The following SPRY4 variants were observed in gnomAD, a reference collection of about 807,000 sequenced individuals.
SPRY4 encodes sprouty RTK signaling antagonist 4, also known as protein sprouty homolog 4.
SPRY4 carries 7 observed loss-of-function variants against 17.0 expected under a neutral mutation model. The ratio of observed to expected loss-of-function variants is 0.41; its 90% CI spans 0.23 to 0.77. The LOEUF (loss-of-function observed/expected upper bound fraction) is 0.77. Among genes scored for constraint, SPRY4 ranks in the 30% least tolerant of loss-of-function variants. The pLI, the probability that SPRY4 is intolerant of heterozygous loss-of-function variation, is 0.32. For missense variants in SPRY4, 435 were observed against 419.9 expected (o/e 1.04, Z -0.31); for synonymous variants, 183 against 174.1 (o/e 1.05, Z -0.40).
In SPRY4 at chr5:142,317,730, A is replaced by C. The variant is rs1432063397; in HGVS notation, c.-47-2575T>G. 3.0e-6 allele frequency: 3 copies of C among 985,198 alleles called. No homozygotes were observed. The East Asian group carries it at 3.4e-4, about 112-fold the overall frequency. 61.0% of individuals were successfully genotyped at this position (985,198 alleles called of 1,614,324 possible). ...AATTTTAATAGGCCTTGGAATCAGAAAGCAGATTCCCCAATTCATGGAAAA... is the reference window on the plus strand; with the variant it reads ...AATTTTAATAGGCCTTGGAATCAGACAGCAGATTCCCCAATTCATGGAAAA... On this transcript the variant is annotated intron_variant, in intron 1 of 1. Transcript: ENST00000434127.
intron 1 of SPRY4, among the ~76,000 whole-genome samples, chr5:142,322,080 T>C (rs1281099683): frequency 6.6e-6 from 1 of 152,218 alleles, no homozygotes; most frequent in Non-Finnish European, 1.5e-5. Flanking sequence ...GCCAAACCTC[T>C]GGTTTACCAA....
chr5:142,318,175 AAAAG>A (rs1316420440), intron 1 of SPRY4: 8 of 985,190 alleles, frequency 8.1e-6, no homozygotes, highest in African/African-American at 5.2e-5. Flanking sequence ...CTCAAAAAAA[AAAAG>A]AAAGAAAAAA....
rs1759178036 is a variant in SPRY4, at chr5:142,317,066, G to A, written c.-47-1911C>T. The A allele has an allele frequency of 6.1e-6, 6 of 985,492 alleles. No individual in the cohort carries two copies. In the South Asian group the frequency reaches 2.3e-4, roughly 39 times the overall value. 61.0% of individuals were successfully genotyped at this position (985,492 alleles called of 1,614,324 possible). A position where few individuals can be genotyped will look rare whatever the true frequency, so the allele number is the denominator to read the frequency against. Reference sequence around the variant, plus strand: ...TTCCTTGTGGCAGAGTTTACCTTAAGTGTCTGGCAGGTCTGCCACCAAAGA... The same window carrying A: ...TTCCTTGTGGCAGAGTTTACCTTAAATGTCTGGCAGGTCTGCCACCAAAGA... On this transcript the variant is annotated intron_variant, in intron 1 of 1. Transcript: ENST00000434127.
intron 1 of SPRY4, among the ~76,000 whole-genome samples, chr5:142,323,131 C>T (rs559183793): frequency 6.6e-6 from 1 of 152,136 alleles, no homozygotes; most frequent in South Asian, 2.1e-4. Flanking sequence ...GTGAAATCCA[C>T]CAGTGCAATA....
chr5:142,312,912 C>G lies in SPRY4; in HGVS notation c.*1297G>C, dbSNP rs1257773635. 7.2e-5 allele frequency: 11 copies of G among 152,640 alleles called. No homozygotes were observed. The highest frequency in any genetic ancestry group is 2.4e-4 in the African/African-American group (10 of 41,442). 9.5% of individuals were successfully genotyped at this position (152,640 alleles called of 1,614,324 possible). A position where few individuals can be genotyped will look rare whatever the true frequency, so the allele number is the denominator to read the frequency against. On this transcript the variant is annotated 3_prime_UTR_variant, in exon 2 of 2. Coordinates refer to ENST00000434127, the MANE Select transcript of SPRY4 (RefSeq NM_001127496.3). ...AACCTTTCCCCTACCCTCTCCCCAG[C>G]TCTTCCAAGCTCTTCCGACTCCCCT...
rs1481315026 is a variant in SPRY4, at chr5:142,315,115, G to A, written c.-7C>T. 2 of 1,607,726 alleles carry A rather than the reference G, an allele frequency of 1.2e-6. No individual in the cohort carries two copies. Among genetic ancestry groups the A allele is most frequent in the Non-Finnish European group, 1.7e-6 (2 of 1,179,890 alleles). ...GTGGGATCGGGGGCTCCATGGGGCT[G>A]GAGGTCCTGGACTGTACGGAGAAAC... On this transcript the variant is annotated 5_prime_UTR_variant, in exon 2 of 2. Coordinates refer to ENST00000434127, the MANE Select transcript of SPRY4 (RefSeq NM_001127496.3).
intron 1 of SPRY4, chr5:142,324,431 A>T (rs945592944): frequency 1.1e-4 from 16 of 152,306 alleles, no homozygotes; most frequent in African/African-American, 3.4e-4. Flanking sequence ...CGAGCCGCCC[A>T]GAGCGAGGGC....
chr5:142,321,019 A>AAG (rs1398324638), intron 1 of SPRY4, among the ~76,000 whole-genome samples: 1 of 152,170 alleles, frequency 6.6e-6, no homozygotes, highest in Non-Finnish European at 1.5e-5. Context: ...TGTCCTTGGA[A>AAG]AGAACAATCA....
chr5:142,316,467 A>C (rs538244497), intron 1 of SPRY4, among the ~76,000 whole-genome samples: 6 of 152,202 alleles, frequency 3.9e-5, no homozygotes, highest in Admixed American at 2.0e-4. Flanking sequence ...AATCCAAGGG[A>C]AAGATTACAC....
In SPRY4 at chr5:142,314,548, C is replaced by A. The variant is rs775328320; in HGVS notation, c.561G>T (p.Leu187=). 1 of 1,614,252 alleles carries A rather than the reference C, an allele frequency of 6.2e-7. No individual in the cohort carries two copies. The highest frequency in any genetic ancestry group is 8.5e-7 in the Non-Finnish European group (1 of 1,180,038). ...AGTTGACCAGAGTCTGGGCTGAGCA[C>A]AGGCACTCCTGGTTGCAGACCCAGC... is the stretch of plus-strand genomic sequence containing the variant. ...PSCWVCNQEC[L]CSAQTLVNYG... is the part of the protein sequence containing the mutation. The change falls in exon 2 of 2, where the codon CTG becomes CTT. Residue 187 remains leucine, a synonymous_variant. Transcript: ENST00000434127. This position sits in a 1 kb window ranked among gnomAD's most constrained non-coding sequence, Gnocchi z 4.8.
rs1269893938 is a variant in SPRY4, at chr5:142,313,717, G to A, written c.*492C>T. The A allele has an allele frequency of 6.3e-6, 1 of 159,760 alleles. No homozygotes were observed. Among genetic ancestry groups the A allele is most frequent in the Non-Finnish European group, 1.4e-5 (1 of 72,078 alleles). The allele number at this position is 159,760 out of a possible 1,614,324, so 9.9% of individuals were successfully genotyped here. On this transcript the variant is annotated 3_prime_UTR_variant, in exon 2 of 2. Transcript: ENST00000434127. ...GGAGTGAGATGGGGAAGGAGAAGAAGGTATAGAAGACTCCAAGGGTCTTCT... is the reference window on the plus strand; with the variant it reads ...GGAGTGAGATGGGGAAGGAGAAGAAAGTATAGAAGACTCCAAGGGTCTTCT...
intron 1 of SPRY4, chr5:142,324,477 C>T (rs1178313200): frequency 6.6e-6 from 1 of 152,344 alleles, no homozygotes; most frequent in Non-Finnish European, 1.5e-5. Context: ...TGACCAAGCC[C>T]AGAGACGCCC....
chr5:142,324,400 G>A (rs1307531560), intron 1 of SPRY4: 1 of 152,322 alleles, frequency 6.6e-6, no homozygotes, highest in Non-Finnish European at 1.5e-5. Flanking sequence ...TGGCACCGTG[G>A]GCACCGAGCT....
rs1759069893 is a variant in SPRY4 at position 142,314,616 on chromosome 5, A to G, written c.493T>C (p.Cys165Arg). Residue 165 changes from cysteine (C) to arginine (R), a missense_variant, in exon 2 of 2, where the codon TGT becomes CGT. Physicochemically the swap from Cys to Arg is radical, Grantham distance 180 (BLOSUM62 -3). Coordinates refer to ENST00000434127, the MANE Select transcript of SPRY4 (RefSeq NM_001127496.3). The surrounding 1 kb of genome is among the most constrained non-coding windows in gnomAD (Gnocchi z 4.8). Reference protein sequence around the residue: ...HFLLCEACGKCKCKECASPRT... With the variant: ...HFLLCEACGKRKCKECASPRT... ...GGGGATGCACACTCCTTGCATTTAC[A>G]CTTCCCACAGGCCTCGCACAGCAAG... The G allele has an allele frequency of 1.2e-6, 2 of 1,614,058 alleles. No homozygotes were observed. Among genetic ancestry groups the G allele is most frequent in the Admixed American group, 3.3e-5 (2 of 60,008 alleles).
rs574208325 is a variant in SPRY4, at chr5:142,310,790, T to C, written c.*3419A>G. Reference sequence around the variant, plus strand: ...CACAGCAGAAAATGGCAACGCAAGATTCATCATCGACTGTCACAGTAAGCA... The same window carrying C: ...CACAGCAGAAAATGGCAACGCAAGACTCATCATCGACTGTCACAGTAAGCA... On this transcript the variant is annotated 3_prime_UTR_variant, in exon 2 of 2. Transcript: ENST00000434127. The C allele has an allele frequency of 6.6e-6, 1 of 152,162 alleles. No homozygotes were observed. The highest frequency in any genetic ancestry group is 6.5e-5 in the Admixed American group (1 of 15,294). The allele number at this position is 152,162 out of a possible 1,614,324, so 9.4% of individuals were successfully genotyped here.
At chr5:142,315,342 G>A (rs1039100526) in intron 1 of SPRY4, 187 bp from the exon 2 acceptor site, 5 of 568,208 alleles carry the variant, frequency 8.8e-6, no homozygotes, top group African/African-American at 1.9e-5. Flanking sequence ...AGTCAGTGGT[G>A]GAAATAATAC....
chr5:142,316,223 T>C (rs948823741), intron 1 of SPRY4, among the ~76,000 whole-genome samples: 2 of 152,106 alleles, frequency 1.3e-5, no homozygotes, highest in African/African-American at 4.8e-5. Context: ...GAGTGCAATT[T>C]TAAGTTGGAA....
chr5:142,313,394 A>T lies in SPRY4; in HGVS notation c.*815T>A, dbSNP rs1055110345. The T allele has an allele frequency of 3.9e-5, 6 of 152,574 alleles. No individual in the cohort carries two copies. The highest frequency in any genetic ancestry group is 3.3e-4 in the Admixed American group (5 of 15,274). 9.5% of individuals were successfully genotyped at this position (152,574 alleles called of 1,614,324 possible). A position where few individuals can be genotyped will look rare whatever the true frequency, so the allele number is the denominator to read the frequency against. ...CCTCTACCCATATAAAGTTTCTGGA[A>T]GGGATCTGAGTAGAGAGAACCCAGG... is the stretch of plus-strand genomic sequence containing the variant. On this transcript the variant is annotated 3_prime_UTR_variant, in exon 2 of 2. Coordinates refer to ENST00000434127, the MANE Select transcript of SPRY4 (RefSeq NM_001127496.3).
intron 1 of SPRY4, chr5:142,319,815 T>A (rs769288625): frequency 1.2e-6 from 2 of 1,602,730 alleles, no homozygotes; most frequent in Non-Finnish European, 1.7e-6. Flanking sequence ...TCAAGAGGCA[T>A]GTTAAATGTC....
Sources: allele counts gnomAD v4.1 joint callset (sites outside exome capture counted in the v4.1 genomes callset), GRCh38; gene constraint gnomAD v4.1.1; non-coding constraint Gnocchi (gnomAD v3.1); transcripts MANE v1.5; gene names NCBI Gene and HGNC (gene_info 2026-07-23, HGNC 2026-07-21).